The following TBC1D23 variants were observed in gnomAD, a reference collection of about 807,000 sequenced individuals.
The protein encoded by TBC1D23 is HCV non-structural protein 4A-transactivated protein 1.
Under a neutral mutation model 91.4 loss-of-function variants are expected in TBC1D23, and 55 were observed. The observed-to-expected ratio is 0.60, with a 90% CI of 0.48 to 0.75. The LOEUF (loss-of-function observed/expected upper bound fraction) is 0.75. TBC1D23 is among the 30% of genes least tolerant of loss of function. TBC1D23 has a pLI of 0.00. For missense variants in TBC1D23, 725 were observed against 836.1 expected, an observed-to-expected ratio of 0.87 and a Z score of 1.64; for synonymous variants, 289 against 281.0, an observed-to-expected ratio of 1.03 and a Z score of -0.28.
chr3:100,275,036 A>G (rs940114552), intron 1 of TBC1D23, among the ~76,000 whole-genome samples: 2 of 151,716 alleles, frequency 1.3e-5, no homozygotes, highest in African/African-American at 2.4e-5. Context: ...ATTCTTTCAG[A>G]CATTTCAGGA....
intron 5 of TBC1D23, among the ~76,000 whole-genome samples, chr3:100,292,296 A>G (rs1364752632): frequency 6.6e-6 from 1 of 152,130 alleles, no homozygotes; most frequent in African/African-American, 2.4e-5. Flanking sequence ...TTCTAAAACA[A>G]TGATTGGGTC....
At chr3:100,280,607 C>T (rs1253772145) in intron 2 of TBC1D23, among the ~76,000 whole-genome samples, 1 of 152,146 alleles carries the variant, frequency 6.6e-6, no homozygotes, top group East Asian at 1.9e-4. Flanking sequence ...CCTTTTTGCC[C>T]TATGCACATA....
At chr3:100,318,977 C>T (rs755146087) in intron 16 of TBC1D23, 92 bp from the exon 17 acceptor site, 5 of 815,660 alleles carry the variant, frequency 6.1e-6, no homozygotes, top group Non-Finnish European at 9.4e-6. Context: ...TCCATATCTT[C>T]AAAATACTAC....
intron 3 of TBC1D23, among the ~76,000 whole-genome samples, chr3:100,283,290 C>G (rs2067710745): frequency 2.0e-5 from 3 of 151,990 alleles, no homozygotes; most frequent in African/African-American, 7.3e-5. Context: ...AGAAGAATCA[C>G]TTGAAATCGG....
At chr3:100,300,650 C>T (rs538327071) in intron 10 of TBC1D23, among the ~76,000 whole-genome samples, 28 of 151,794 alleles carry the variant, frequency 1.8e-4, no homozygotes, top group African/African-American at 4.6e-4. Flanking sequence ...TGCAGGTGTG[C>T]GCCACCATGC....
chr3:100,280,074 C>G (rs2067681532), intron 2 of TBC1D23, among the ~76,000 whole-genome samples: 1 of 152,062 alleles, frequency 6.6e-6, no homozygotes, highest in African/African-American at 2.4e-5. Context: ...CACCTGAGGT[C>G]AGGAGTTCAA....
intron 7 of TBC1D23, among the ~76,000 whole-genome samples, 176 bp from the exon 8 acceptor site, chr3:100,295,996 T>TA (rs1214637061): frequency 6.6e-6 from 1 of 152,232 alleles, no homozygotes; most frequent in African/African-American, 2.4e-5. Context: ...ACAAGAGATT[T>TA]ACATTAGCCG....
At chr3:100,276,333 A>G (rs1254244818) in intron 1 of TBC1D23, among the ~76,000 whole-genome samples, 1 of 151,866 alleles carries the variant, frequency 6.6e-6, no homozygotes, top group Non-Finnish European at 1.5e-5. Context: ...ATTTCCTATA[A>G]TTTTAATTTT....
chr3:100,294,265 AT>A lies in TBC1D23; in HGVS notation c.601-809del, dbSNP rs775757936. On this transcript the variant is annotated intron_variant, in intron 5 of 18. Transcript: ENST00000394144. ...ATGTTATTTATTTTTTTTTGTGTTTATTTTTTTTTTTTTGAGACAGAGTCTC... is the reference window on the plus strand; with the variant it reads ...ATGTTATTTATTTTTTTTTGTGTTTATTTTTTTTTTTTGAGACAGAGTCTC... Among the ~76,000 whole-genome samples, 1,151 of 143,422 alleles carry A rather than the reference AT, an allele frequency of 8.0e-3. 2 individuals carry two copies. The highest frequency in any genetic ancestry group is 8.2e-3 in the African/African-American group (325 of 39,404). The allele number at this position is 143,422 out of a possible 152,430, so 94.1% of individuals were successfully genotyped here.
At chr3:100,275,477 G>A (rs1032052707) in intron 1 of TBC1D23, among the ~76,000 whole-genome samples, 1 of 151,992 alleles carries the variant, frequency 6.6e-6, no homozygotes, top group Non-Finnish European at 1.5e-5. Flanking sequence ...TTGTGGAAAT[G>A]GGTTTTTTCC....
rs2067716148 is a variant in TBC1D23, at chr3:100,283,711, C to T, written c.376C>T (p.Leu126Phe). Residue 126 changes from leucine to phenylalanine, a missense_variant, in exon 4 of 19, where the codon CTT becomes TTT. By Grantham distance (22) the Leu-to-Phe change is conservative. Coordinates refer to ENST00000394144, the MANE Select transcript of TBC1D23 (RefSeq NM_001199198.3). ...ACGTAACATTAAATATAGCACATCC[C>T]TTAGCTGGATACATCTACTGAAACC... Reference protein sequence around the residue: ...KSRNIKYSTSLSWIHLLKPLV... With the variant: ...KSRNIKYSTSFSWIHLLKPLV... 6 of 1,612,510 alleles carry T rather than the reference C, an allele frequency of 3.7e-6. No homozygotes were observed. The African/African-American group carries it at 8.0e-5, about 22-fold the overall frequency.
chr3:100,319,084 C>T lies in TBC1D23; in HGVS notation c.1703C>T (p.Ser568Phe), dbSNP rs1179684385. ...TTTTTTATAGATGAAATTGACAGTTCTTCAATGTCAGATGATGATAGAAAA... is the reference window on the plus strand; with the variant it reads ...TTTTTTATAGATGAAATTGACAGTTTTTCAATGTCAGATGATGATAGAAAA... Reference protein sequence around the residue: ...EEYDTDEIDSSSMSDDDRKEV... With the variant: ...EEYDTDEIDSFSMSDDDRKEV... Residue 568 changes from serine (S) to phenylalanine (F), a missense_variant, in exon 17 of 19, where the codon TCT becomes TTT. By Grantham distance (155) the Ser-to-Phe change is radical (BLOSUM62 -2). Coordinates refer to ENST00000394144, the MANE Select transcript of TBC1D23 (RefSeq NM_001199198.3). 2 of 1,567,756 alleles carry T rather than the reference C, an allele frequency of 1.3e-6. No homozygotes were observed. The highest frequency in any genetic ancestry group is 1.7e-6 in the Non-Finnish European group (2 of 1,149,972).
At chr3:100,286,185 C>G (rs1249996500) in intron 4 of TBC1D23, among the ~76,000 whole-genome samples, 1 of 152,154 alleles carries the variant, frequency 6.6e-6, no homozygotes, top group Admixed American at 6.5e-5. Flanking sequence ...ATTTAGGAGT[C>G]ATTTTGTTGT....
At chr3:100,298,145 C>A in intron 9 of TBC1D23, 100 bp downstream of exon 9, 1 of 1,024,784 alleles carries the variant, frequency 9.8e-7, no homozygotes, top group Non-Finnish European at 1.4e-6. Flanking sequence ...CAATTTACTG[C>A]AACAAGGTGG....
At chr3:100,321,253 C>T (rs1705853616) in intron 18 of TBC1D23, among the ~76,000 whole-genome samples, 1 of 152,160 alleles carries the variant, frequency 6.6e-6, no homozygotes. Context: ...TGCTGGCTTG[C>T]AGAGAAATAA....
At chr3:100,314,181 CTG>C (rs1705687144) in intron 15 of TBC1D23, among the ~76,000 whole-genome samples, 1 of 148,434 alleles carries the variant, frequency 6.7e-6, no homozygotes, top group African/African-American at 2.5e-5. Context: ...TCACTGCAAC[CTG>C]TGCCTCCTGG....
At chr3:100,283,570 G>T (rs773855584) in intron 3 of TBC1D23, 37 bp from the exon 4 acceptor site, 1 of 1,449,114 alleles carries the variant, frequency 6.9e-7, no homozygotes, top group South Asian at 1.2e-5. Context: ...CCCCTGACAG[G>T]CCCTCAGTAA....
intron 1 of TBC1D23, among the ~76,000 whole-genome samples, chr3:100,274,839 T>C (rs1026809147): frequency 2.7e-5 from 4 of 148,716 alleles, no homozygotes; most frequent in African/African-American, 7.3e-5. Flanking sequence ...ATATATAATA[T>C]GATAAATATA....
At chr3:100,298,117 C>G in intron 9 of TBC1D23, 72 bp downstream of exon 9, 1 of 1,319,022 alleles carries the variant, frequency 7.6e-7, no homozygotes, top group Non-Finnish European at 1.0e-6. Context: ...CCTCCCTGTT[C>G]ATTGATTCCC....
Sources: allele counts gnomAD v4.1 joint callset (sites outside exome capture counted in the v4.1 genomes callset), GRCh38; gene constraint gnomAD v4.1.1; transcripts MANE v1.5; gene names NCBI Gene and HGNC (gene_info 2026-07-23, HGNC 2026-07-21).